The following FER variants were observed in gnomAD, a reference collection of about 807,000 sequenced individuals.
FER encodes FER tyrosine kinase.
FER carries 63 observed loss-of-function variants against 111.0 expected under a neutral mutation model. The ratio of observed to expected loss-of-function variants is 0.57; its 90% CI spans 0.46 to 0.70. The LOEUF (loss-of-function observed/expected upper bound fraction) is 0.70, where lower values mean the gene tolerates loss of function less well. Among genes scored for constraint, FER ranks in the 30% least tolerant of loss-of-function variants. FER has a pLI of 0.00. For missense variants in FER, 914 were observed against 954.0 expected (o/e 0.96, Z 0.55); for synonymous variants, 327 against 313.9 (o/e 1.04, Z -0.44).
rs561459115 is a variant in FER, at chr5:109,077,463, ATATCT to A, written c.1925-22929_1925-22925del. Among the ~76,000 whole-genome samples the A allele has an allele frequency of 1.1e-4, 16 of 152,322 alleles. No individual in the cohort carries two copies. The East Asian group carries it at 2.9e-3, about 27-fold the overall frequency. On this transcript the variant is annotated intron_variant, in intron 16 of 19. Coordinates refer to ENST00000281092, the MANE Select transcript of FER (RefSeq NM_005246.4). ...AGAATCATCTTTTAAAATAATATAC[ATATCT>A]TATTAATGAAAATTACTACAAAATG...
At chr5:108,997,113 C>A (rs757601884) in intron 13 of FER, among the ~76,000 whole-genome samples, 1 of 151,902 alleles carries the variant, frequency 6.6e-6, no homozygotes. Flanking sequence ...GATTTTGTAT[C>A]CTGAGACTTT....
intron 2 of FER, among the ~76,000 whole-genome samples, chr5:108,794,848 T>C (rs768468239): frequency 6.6e-6 from 1 of 152,240 alleles, no homozygotes; most frequent in Non-Finnish European, 1.5e-5. Context: ...AGTTTGATTA[T>C]TAAATGCCTT....
chr5:109,132,330 G>A (rs1452284528), intron 17 of FER, among the ~76,000 whole-genome samples: 2 of 152,120 alleles, frequency 1.3e-5, no homozygotes, highest in Non-Finnish European at 2.9e-5. Context: ...TACAGCTAAG[G>A]CATTCAGTTT....
chr5:109,116,367 T>A (rs1750232281), intron 17 of FER, among the ~76,000 whole-genome samples: 2 of 151,628 alleles, frequency 1.3e-5, no homozygotes, highest in African/African-American at 2.4e-5. Flanking sequence ...TTCTGTTGCT[T>A]CATAGATTTT....
At chr5:109,087,834 A>C (rs1225081304) in intron 16 of FER, among the ~76,000 whole-genome samples, 1 of 151,932 alleles carries the variant, frequency 6.6e-6, no homozygotes, top group Non-Finnish European at 1.5e-5. Context: ...TTTTTATCAC[A>C]TTCTTAAAGA....
chr5:109,006,154 G>A (rs1355201841), intron 13 of FER, among the ~76,000 whole-genome samples: 4 of 152,172 alleles, frequency 2.6e-5, no homozygotes, highest in Non-Finnish European at 4.4e-5. Context: ...GAATCTTGGG[G>A]AGGTTAAACA....
intron 10 of FER, among the ~76,000 whole-genome samples, chr5:108,924,069 T>A (rs921327901): frequency 3.6e-5 from 5 of 139,320 alleles, no homozygotes; most frequent in African/African-American, 1.5e-4. Context: ...ATTTAAAAAA[T>A]CAAAGGCCAG....
In FER at chr5:108,962,538, A is replaced by G. The variant is rs549646740; in HGVS notation, c.1656+3191A>G. On this transcript the variant is annotated intron_variant, in intron 13 of 19. Coordinates refer to ENST00000281092, the MANE Select transcript of FER (RefSeq NM_005246.4). ...GTCTCTCCCAAGTAAAATAACTTCA[A>G]TAGGGTCACAGTTGTATTTAACAAT... Among the ~76,000 whole-genome samples the G allele has an allele frequency of 1.9e-4, 29 of 152,312 alleles. No homozygotes were observed. In the South Asian group the frequency reaches 5.0e-3, roughly 26 times the overall value.
At chr5:108,940,367 C>T (rs1264358924) in intron 10 of FER, among the ~76,000 whole-genome samples, 1 of 151,964 alleles carries the variant, frequency 6.6e-6, no homozygotes, top group Non-Finnish European at 1.5e-5. Context: ...TAATGAAAAG[C>T]ATATGAAATT....
chr5:109,075,744 A>G (rs996750645), intron 16 of FER, among the ~76,000 whole-genome samples: 6 of 152,086 alleles, frequency 3.9e-5, no homozygotes, highest in African/African-American at 1.4e-4. Flanking sequence ...TTTAATATGT[A>G]CCTGTCTACC....
At chr5:108,998,183 G>GAAAAAAAA (rs915109794) in intron 13 of FER, among the ~76,000 whole-genome samples, 1 of 71,422 alleles carries the variant, frequency 1.4e-5, no homozygotes. Flanking sequence ...ACCGGGGTAT[G>GAAAAAAAA]AAAAAAAAAA....
chr5:108,855,609 A>C (rs929187524), intron 5 of FER, among the ~76,000 whole-genome samples: 1 of 151,948 alleles, frequency 6.6e-6, no homozygotes, highest in Non-Finnish European at 1.5e-5. Flanking sequence ...AAAAAAAAAA[A>C]AGAATACAAA....
At chr5:108,857,819 A>G (rs888157392) in intron 5 of FER, among the ~76,000 whole-genome samples, 4 of 152,188 alleles carry the variant, frequency 2.6e-5, no homozygotes, top group African/African-American at 9.6e-5. Context: ...ATAATGATAT[A>G]CTATCATGCT....
intron 10 of FER, among the ~76,000 whole-genome samples, chr5:108,914,960 G>T (rs1025442132): frequency 6.6e-6 from 1 of 152,160 alleles, no homozygotes; most frequent in Non-Finnish European, 1.5e-5. Flanking sequence ...TGGCTACAGG[G>T]TTTAGCAAGG....
chr5:108,897,616 C>T (rs974576030), intron 9 of FER, 43 bp from the exon 10 acceptor site: 1 of 1,387,474 alleles, frequency 7.2e-7, no homozygotes, highest in African/African-American at 1.5e-5. Context: ...TCCTTAATGT[C>T]TTCTTAATGA....
At chr5:108,993,135 G>T (rs1249442306) in intron 13 of FER, among the ~76,000 whole-genome samples, 3 of 151,544 alleles carry the variant, frequency 2.0e-5, no homozygotes, top group African/African-American at 7.3e-5. Flanking sequence ...CCCAGACGGG[G>T]TGGCGGCCGG....
intron 13 of FER, among the ~76,000 whole-genome samples, chr5:109,022,616 A>G (rs1049208519): frequency 6.6e-6 from 1 of 152,160 alleles, no homozygotes; most frequent in Non-Finnish European, 1.5e-5. Context: ...GGCTAATGAC[A>G]TAATATATAG....
chr5:108,798,057 C>CTTTT, intron 2 of FER, 67 bp from the exon 3 acceptor site: 5 of 482,572 alleles, frequency 1.0e-5, no homozygotes, highest in African/African-American at 4.2e-5. Flanking sequence ...TCTATCATAA[C>CTTTT]TTTTTTTTTT....
At chr5:109,153,619 AGT>A (rs1491350193) in intron 17 of FER, among the ~76,000 whole-genome samples, 3 of 151,946 alleles carry the variant, frequency 2.0e-5, no homozygotes, top group Non-Finnish European at 4.4e-5. Flanking sequence ...ATAACACAGT[AGT>A]TATCAACATT....
Sources: gnomAD v4.1 joint callset for allele counts (sites outside exome capture counted in the v4.1 genomes callset) on GRCh38, gnomAD v4.1.1 for gene constraint, MANE v1.5 for transcripts, NCBI Gene and HGNC (gene_info 2026-07-23, HGNC 2026-07-21) for gene names.